KLHDC4: variants seen among roughly 807,000 people sequenced by gnomAD.
KLHDC4 encodes the protein kelch domain-containing protein 4.
In KLHDC4, 90 loss-of-function variants were observed where a neutral mutation model predicts 62.4. The observed-to-expected ratio is 1.44, with a 90% CI of 1.22 to 1.72. The LOEUF (loss-of-function observed/expected upper bound fraction) is 1.72. Ranked by LOEUF, KLHDC4 falls within the 40% of genes most tolerant of loss-of-function variation. The pLI, the probability that KLHDC4 is intolerant of heterozygous loss-of-function variation, is 0.00. For synonymous variants in KLHDC4, 386 were observed against 284.4 expected (o/e 1.36, Z -3.59); for missense variants, 1,025 against 699.7 (o/e 1.47, Z -5.25).
chr16:87,744,335 A>C (rs906687766), intron 5 of KLHDC4, among the ~76,000 whole-genome samples: 6 of 151,980 alleles, frequency 3.9e-5, no homozygotes, highest in Admixed American at 3.9e-4. Context: ...GAATTGCTTG[A>C]ACCTCTGAGG....
intron 5 of KLHDC4, among the ~76,000 whole-genome samples, chr16:87,745,477 A>G (rs540558385): frequency 1.3e-5 from 2 of 152,322 alleles, no homozygotes; most frequent in African/African-American, 4.8e-5. Flanking sequence ...ACCAGTCACC[A>G]TTTTTAACTT....
intron 4 of KLHDC4, among the ~76,000 whole-genome samples, chr16:87,753,912 G>C (rs2044432542): frequency 6.7e-6 from 1 of 149,280 alleles, no homozygotes; most frequent in South Asian, 2.1e-4. Context: ...GGCGGAGGTT[G>C]TAGTGAGATG....
chr16:87,761,948 C>G lies in KLHDC4; in HGVS notation c.191+1G>C. 6.2e-7 allele frequency: 1 copy of G among 1,613,026 alleles called. No individual in the cohort carries two copies. Among genetic ancestry groups the G allele is most frequent in the Non-Finnish European group, 8.5e-7 (1 of 1,179,614 alleles). On this transcript the variant is annotated splice_donor_variant, in intron 2 of 11. Coordinates refer to ENST00000270583, the MANE Select transcript of KLHDC4 (RefSeq NM_017566.4). LOFTEE classifies it high-confidence loss of function. ...CAATATGAAAAATGCTACTTGCTCACCTTGGTGAGGGTGGGGGGCACGGAA... is the reference window on the plus strand; with the variant it reads ...CAATATGAAAAATGCTACTTGCTCAGCTTGGTGAGGGTGGGGGGCACGGAA...
chr16:87,739,487 G>A (rs868030076), intron 5 of KLHDC4, among the ~76,000 whole-genome samples: 2 of 110,890 alleles, frequency 1.8e-5, no homozygotes, highest in African/African-American at 6.6e-5. Context: ...ACACCAGCAC[G>A]TCATCCATCC....
rs893489164 is a variant in KLHDC4 at position 87,764,547 on chromosome 16, G to A, written c.99+1245C>T. Reference sequence around the variant, plus strand: ...GCCTGTAATCTCAGCTACTTGGGAGGCTGAGGCAGGAGAACCACTTGAACC... The same window carrying A: ...GCCTGTAATCTCAGCTACTTGGGAGACTGAGGCAGGAGAACCACTTGAACC... On this transcript the variant is annotated intron_variant, in intron 1 of 11. Coordinates refer to ENST00000270583, the MANE Select transcript of KLHDC4 (RefSeq NM_017566.4). 5.3e-5 allele frequency among the ~76,000 whole-genome samples: 8 copies of A among 150,400 alleles called. No homozygotes were observed. In the East Asian group the frequency reaches 1.4e-3, roughly 26 times the overall value.
At chr16:87,724,547 T>G (rs187780482) in intron 7 of KLHDC4, among the ~76,000 whole-genome samples, 1 of 152,068 alleles carries the variant, frequency 6.6e-6, no homozygotes, top group African/African-American at 2.4e-5. Context: ...GCAGAAGACA[T>G]GAACACACAC....
intron 5 of KLHDC4, among the ~76,000 whole-genome samples, chr16:87,733,828 T>C (rs1032564833): frequency 6.6e-6 from 1 of 152,184 alleles, no homozygotes; most frequent in Non-Finnish European, 1.5e-5. Context: ...CCTGGGATCC[T>C]CCGTGGCTTT....
At chr16:87,737,304 T>C (rs2041497271) in intron 5 of KLHDC4, among the ~76,000 whole-genome samples, 1 of 151,552 alleles carries the variant, frequency 6.6e-6, no homozygotes, top group South Asian at 2.1e-4. Flanking sequence ...CCACTTACCC[T>C]AGGCCAGGGG....
At chr16:87,703,737 G>A (rs1158871969), downstream of KLHDC4, among the ~76,000 whole-genome samples, 1 of 152,220 alleles carries the variant, frequency 6.6e-6, no homozygotes, top group Non-Finnish European at 1.5e-5. Context: ...GGGAAGCCGG[G>A]TCACCGTGGT....
intron 5 of KLHDC4, among the ~76,000 whole-genome samples, chr16:87,731,537 A>G (rs1339908617): frequency 1.3e-5 from 2 of 152,124 alleles, no homozygotes; most frequent in African/African-American, 4.8e-5. Flanking sequence ...AACATATGCC[A>G]AGTCCACAGT....
At chr16:87,729,032 C>A (rs1453834260) in intron 6 of KLHDC4, among the ~76,000 whole-genome samples, 1 of 152,142 alleles carries the variant, frequency 6.6e-6, no homozygotes, top group Non-Finnish European at 1.5e-5. Flanking sequence ...CCACCTCAGC[C>A]TCCCAAAGTG....
intron 2 of KLHDC4, among the ~76,000 whole-genome samples, chr16:87,761,367 G>A (rs529062043): frequency 1.8e-3 from 272 of 152,304 alleles, no homozygotes; most frequent in African/African-American, 6.3e-3. Context: ...GCTTCCACTA[G>A]GGCCTGCAGC....
chr16:87,744,097 G>A (rs1217523746), intron 5 of KLHDC4, among the ~76,000 whole-genome samples: 7 of 152,018 alleles, frequency 4.6e-5, no homozygotes, highest in Non-Finnish European at 2.9e-5. Context: ...TGGCCAACAC[G>A]GTGAAACCCT....
chr16:87,753,902 G>C (rs1337539092), intron 4 of KLHDC4, among the ~76,000 whole-genome samples: 1 of 151,388 alleles, frequency 6.6e-6, no homozygotes, highest in Non-Finnish European at 1.5e-5. Context: ...GAACCCGGCA[G>C]GCGGAGGTTG....
chr16:87,765,219 G>A (rs191816542), intron 1 of KLHDC4: 450 of 456,102 alleles, frequency 9.9e-4, no homozygotes, highest in Middle Eastern at 2.6e-3. Flanking sequence ...GAGGACCAGA[G>A]GGAAGGAGAC....
exon 1 of KLHDC4, chr16:87,699,396 T>G (rs143707231): frequency 6.6e-6 from 1 of 152,160 alleles, no homozygotes; most frequent in African/African-American, 2.4e-5. Flanking sequence ...AGTGGTGATG[T>G]AGAAAAGCAG....
chr16:87,763,917 A>G (rs1314322995), intron 1 of KLHDC4, among the ~76,000 whole-genome samples: 1 of 152,246 alleles, frequency 6.6e-6, no homozygotes, highest in African/African-American at 2.4e-5. Flanking sequence ...GGTATAGGTA[A>G]GACCACAGAC....
chr16:87,703,026 C>A (rs1260675772), downstream of KLHDC4: 1 of 152,220 alleles, frequency 6.6e-6, no homozygotes, highest in African/African-American at 2.4e-5. Context: ...AAATTCTGCT[C>A]CTTTTAGTAA....
intron 5 of KLHDC4, chr16:87,740,005 T>A (rs768507692): frequency 6.6e-6 from 1 of 152,348 alleles, no homozygotes; most frequent in African/African-American, 2.4e-5. Context: ...AAAGCTGTTA[T>A]GAAACACCTA....
Sources: allele counts gnomAD v4.1 joint callset (sites outside exome capture counted in the v4.1 genomes callset), GRCh38; gene constraint gnomAD v4.1.1; transcripts MANE v1.5; gene names NCBI Gene and HGNC (gene_info 2026-07-23, HGNC 2026-07-21).